Variants in ZNF565 observed in about 807,000 individuals in gnomAD.
ZNF565 encodes the protein zinc finger protein 565.
Under a neutral mutation model 39.4 loss-of-function variants are expected in ZNF565, and 27 were observed. That is an observed-to-expected ratio of 0.69 (90% CI 0.51 to 0.95). The LOEUF (loss-of-function observed/expected upper bound fraction) is 0.95, where lower values mean the gene tolerates loss of function less well. Ranked by LOEUF, ZNF565 falls within the 40% of genes least tolerant of loss-of-function variation. The pLI, the probability that ZNF565 is intolerant of heterozygous loss-of-function variation, is 0.00. For synonymous variants in ZNF565, 185 were observed against 216.6 expected, an observed-to-expected ratio of 0.85 and a Z score of 1.28; for missense variants, 524 against 621.1, an observed-to-expected ratio of 0.84 and a Z score of 1.66.
At chr19:36,187,455 G>A (rs987887436) in intron 4 of ZNF565, among the ~76,000 whole-genome samples, 4 of 146,128 alleles carry the variant, frequency 2.7e-5, no homozygotes, top group Admixed American at 6.9e-5. Flanking sequence ...TCTGCCTCCC[G>A]GATTCACGCC....
rs781055663 is a variant in ZNF565 at position 36,183,292 on chromosome 19, C to T, written c.674G>A (p.Cys225Tyr). Residue 225 changes from cysteine to tyrosine, a missense_variant, in exon 5 of 5, where the codon TGT becomes TAT. Physicochemically the swap from Cys to Tyr is radical, Grantham distance 194. Transcript: ENST00000304116. The stretch of plus-strand genomic sequence containing the variant: ...ACCAAAGGCCTTCCCACAGTCCTTA[C>T]AGTCATAAGGTTTCTCACCCGTGTG... ...RIHTGEKPYD[C>Y]KDCGKAFGRT... is the part of the protein sequence containing the mutation. 6.2e-7 allele frequency: 1 copy of T among 1,614,178 alleles called. No individual in the cohort carries two copies. Among genetic ancestry groups the T allele is most frequent in the South Asian group, 1.1e-5 (1 of 91,082 alleles).
chr19:36,194,855 C>G (rs745763237), intron 3 of ZNF565, 175 bp downstream of exon 3: 2 of 943,302 alleles, frequency 2.1e-6, no homozygotes, highest in African/African-American at 3.3e-5. Flanking sequence ...CCCAGGAGCT[C>G]TGGAAGTAGC....
At chr19:36,224,453 C>A (rs1037492538) in intron 1 of ZNF565, among the ~76,000 whole-genome samples, 3 of 152,206 alleles carry the variant, frequency 2.0e-5, no homozygotes, top group Admixed American at 1.3e-4. Context: ...TAAATTCTCA[C>A]ATTTATTTGG....
intron 1 of ZNF565, among the ~76,000 whole-genome samples, chr19:36,225,752 CTTTTTTT>C (rs67760026): frequency 3.1e-4 from 21 of 66,724 alleles, no homozygotes; most frequent in Admixed American, 7.5e-4. Context: ...CTTTGTGATT[CTTTTTTT>C]TTTTTTTTTT....
At chr19:36,212,400 C>A (rs569611899) in intron 1 of ZNF565, among the ~76,000 whole-genome samples, 1 of 152,114 alleles carries the variant, frequency 6.6e-6, no homozygotes, top group African/African-American at 2.4e-5. Flanking sequence ...TCACTTGAGG[C>A]CAGGAGTTCG....
At chr19:36,204,979 T>G (rs965743543) in intron 1 of ZNF565, among the ~76,000 whole-genome samples, 2 of 150,650 alleles carry the variant, frequency 1.3e-5, no homozygotes, top group African/African-American at 4.9e-5. Context: ...CAGAGTGAGA[T>G]TCTGTCTCAA....
chr19:36,245,073 T>C lies in ZNF565; in HGVS notation c.55+403A>G, dbSNP rs1263956918. On this transcript the variant is annotated intron_variant, in intron 1 of 4. Coordinates refer to the ZNF565 transcript ENST00000355114. The surrounding 1 kb of genome is among the most constrained non-coding windows in gnomAD (Gnocchi z 4.4). ...ACTGTTGGAAACTCTTAATTTATCA[T>C]GTGACGTTTTATTTCTTTTGAGTTT... Among the ~76,000 whole-genome samples the C allele has an allele frequency of 2.0e-5, 3 of 152,166 alleles. No individual in the cohort carries two copies. The highest frequency in any genetic ancestry group is 6.5e-5 in the Admixed American group (1 of 15,278).
chr19:36,243,116 C>G (rs1434390551), intron 1 of ZNF565, among the ~76,000 whole-genome samples: 2 of 152,184 alleles, frequency 1.3e-5, no homozygotes, highest in African/African-American at 4.8e-5. Flanking sequence ...TCACTGCAAC[C>G]TGTGCCTCCC....
intron 1 of ZNF565, among the ~76,000 whole-genome samples, chr19:36,239,784 G>T (rs1227006167): frequency 6.6e-6 from 1 of 152,174 alleles, no homozygotes; most frequent in Non-Finnish European, 1.5e-5. Flanking sequence ...AAATGGCTCA[G>T]ACCCTAGACA....
intron 1 of ZNF565, among the ~76,000 whole-genome samples, chr19:36,240,201 C>G (rs1157624752): frequency 6.6e-6 from 1 of 152,194 alleles, no homozygotes; most frequent in Non-Finnish European, 1.5e-5. Context: ...TTTAAAAATA[C>G]AAATGTTAAT....
At chr19:36,233,566 C>T (rs956564572) in intron 1 of ZNF565, among the ~76,000 whole-genome samples, 6 of 151,982 alleles carry the variant, frequency 3.9e-5, no homozygotes, top group African/African-American at 1.5e-4. Context: ...GGGCGTTTCT[C>T]GGAGAGGGGG....
intron 1 of ZNF565, among the ~76,000 whole-genome samples, chr19:36,211,812 A>T (rs1043263155): frequency 2.0e-5 from 3 of 151,220 alleles, no homozygotes; most frequent in African/African-American, 7.2e-5. Context: ...AAAAAAAAAA[A>T]GAAGAAAAAA....
At chr19:36,210,085 G>T (rs561138058) in intron 1 of ZNF565, among the ~76,000 whole-genome samples, 6 of 151,114 alleles carry the variant, frequency 4.0e-5, no homozygotes, top group African/African-American at 1.5e-4. Context: ...CAAATAGTGA[G>T]GCCCTTGTCT....
chr19:36,182,174 T>G, downstream of ZNF565: 1 of 293,626 alleles, frequency 3.4e-6, no homozygotes, highest in Non-Finnish European at 6.3e-6. Flanking sequence ...AATCGGGTCA[T>G]TTTTGTATTA....
At chr19:36,241,680 A>C (rs1474051248) in intron 1 of ZNF565, among the ~76,000 whole-genome samples, 1 of 146,638 alleles carries the variant, frequency 6.8e-6, no homozygotes, top group East Asian at 2.1e-4. Flanking sequence ...TCATCCCAGT[A>C]CTTTGGGAGG....
At chr19:36,214,539 T>C (rs1976508099) in intron 1 of ZNF565, 83 bp downstream of exon 1, 1 of 153,214 alleles carries the variant, frequency 6.5e-6, no homozygotes, top group African/African-American at 2.4e-5. Context: ...GAACGGCGCA[T>C]CCGCAGCCAG....
At chr19:36,190,468 C>G (rs879897860) in intron 4 of ZNF565, among the ~76,000 whole-genome samples, 1 of 151,114 alleles carries the variant, frequency 6.6e-6, no homozygotes, top group African/African-American at 2.4e-5. Context: ...CCCAGCTACT[C>G]GGGAGGCTGA....
Position 36,194,328 on chromosome 19 carries a change from C to G in ZNF565, c.137G>C (p.Gly46Ala), listed in dbSNP as rs1034942136. ...GACATCAGGCTTAGAAATGGAGAGT[C>G]CTGTTTACAGGAAAAGAAATGGGGT... The part of the protein sequence containing the change: ...LENFGHLASL[G>A]LSISKPDVVS... Residue 46 changes from glycine to alanine, a missense_variant and splice_region_variant, in exon 4 of 5, where the codon GGA becomes GCA. Transcript: ENST00000304116. 1.9e-6 allele frequency: 3 copies of G among 1,607,200 alleles called. No homozygotes were observed. The Admixed American group carries it at 5.1e-5, about 27-fold the overall frequency.
At chr19:36,229,428 T>C (rs933098142) in intron 1 of ZNF565, among the ~76,000 whole-genome samples, 2 of 152,208 alleles carry the variant, frequency 1.3e-5, no homozygotes, top group African/African-American at 4.8e-5. Flanking sequence ...CACTGTGGCC[T>C]CAGCTTCCTG....
Sources: allele counts gnomAD v4.1 joint callset (sites outside exome capture counted in the v4.1 genomes callset), GRCh38; gene constraint gnomAD v4.1.1; non-coding constraint Gnocchi (gnomAD v3.1); transcripts MANE v1.5; gene names NCBI Gene and HGNC (gene_info 2026-07-23, HGNC 2026-07-21).